Variants in LBP observed in about 807,000 individuals in gnomAD.
The protein encoded by LBP is lipopolysaccharide-binding protein.
Under a neutral mutation model 56.6 loss-of-function variants are expected in LBP, and 53 were observed. That is an observed-to-expected ratio of 0.94 (90% confidence interval 0.75 to 1.18). The LOEUF is 1.18. LBP is among the 50% of genes most tolerant of loss of function. LBP has a pLI of 0.00. For missense variants in LBP, 601 were observed against 598.3 expected (o/e 1.00, Z -0.05); for synonymous variants, 227 against 247.5 (o/e 0.92, Z 0.78).
intron 2 of LBP, among the ~76,000 whole-genome samples, chr20:38,350,554 C>T (rs1436637964): frequency 6.6e-6 from 1 of 152,222 alleles, no homozygotes; most frequent in East Asian, 1.9e-4. Context: ...CAATTGCATC[C>T]CTTCCTCAAG....
At position 38,376,654 on chromosome 20, in the gene LBP, A is replaced by G. The variant is rs1568838384; in HGVS notation, c.1431A>G (p.Gln477=). 1.9e-6 allele frequency: 3 copies of G among 1,614,050 alleles called. No homozygotes were observed. Among genetic ancestry groups the G allele is most frequent in the Non-Finnish European group, 2.5e-6 (3 of 1,179,902 alleles). Residue 477 remains glutamine, a synonymous_variant, in exon 15 of 15, where the codon CAA becomes CAG. Transcript: ENST00000217407. ...KDFLFLGANV[Q]YMRV Reference sequence around the variant, plus strand: ...TCCTGTTCTTGGGTGCCAATGTCCAATACATGAGAGTTTGAGGACAAGAAA... The same window carrying G: ...TCCTGTTCTTGGGTGCCAATGTCCAGTACATGAGAGTTTGAGGACAAGAAA...
intron 10 of LBP, among the ~76,000 whole-genome samples, chr20:38,370,489 T>G (rs897388825): frequency 2.0e-5 from 3 of 152,204 alleles, no homozygotes; most frequent in Non-Finnish European, 2.9e-5. Context: ...TACCTTCTCT[T>G]AGTAGTCTGT....
At chr20:38,375,603 A>G (rs955513267) in intron 14 of LBP, among the ~76,000 whole-genome samples, 1 of 152,182 alleles carries the variant, frequency 6.6e-6, no homozygotes, top group African/African-American at 2.4e-5. Flanking sequence ...AAATTAACTT[A>G]AGGTTCTTTT....
chr20:38,347,588 ATT>A (rs1055229773), intron 1 of LBP, among the ~76,000 whole-genome samples: 1 of 151,660 alleles, frequency 6.6e-6, no homozygotes, highest in Non-Finnish European at 1.5e-5. Flanking sequence ...AAGTAGGAGT[ATT>A]TTTTTTTAAA....
chr20:38,375,456 C>A (rs569575631), intron 14 of LBP, among the ~76,000 whole-genome samples: 31 of 151,954 alleles, frequency 2.0e-4, no homozygotes, highest in African/African-American at 7.0e-4. Flanking sequence ...TGGTGCGCAC[C>A]TGTAATCCCA....
chr20:38,369,789 T>G (rs887045716), intron 10 of LBP, among the ~76,000 whole-genome samples: 1 of 152,194 alleles, frequency 6.6e-6, no homozygotes, highest in Non-Finnish European at 1.5e-5. Flanking sequence ...TTTACTAGCT[T>G]CTCAACAATT....
chr20:38,373,902 A>C (rs759693040), intron 13 of LBP, 35 bp from the exon 14 acceptor site: 4 of 1,574,098 alleles, frequency 2.5e-6, no homozygotes, highest in Non-Finnish European at 3.5e-6. Context: ...TTATTTATTC[A>C]CCAATCTCTT....
chr20:38,365,533 C>T (rs2076877506), intron 8 of LBP, among the ~76,000 whole-genome samples: 1 of 151,448 alleles, frequency 6.6e-6, no homozygotes, highest in Non-Finnish European at 1.5e-5. Context: ...CTCATCTCTA[C>T]TAAAAATACA....
rs11536960 is a variant in LBP, at chr20:38,359,779, T to C, written c.589-925T>C. ...TCATAAATAATTCGGGTGATTACAG[T>C]GGCAAGTACAGCCAACAAGTTTGGA... On this transcript the variant is annotated intron_variant, in intron 5 of 14. Transcript: ENST00000217407. Among the ~76,000 whole-genome samples the C allele has an allele frequency of 8.5e-3, 1,289 of 152,262 alleles. 21 individuals are homozygous for C. Among genetic ancestry groups the C allele is most frequent in the African/African-American group, 0.03 (1,226 of 41,558 alleles).
At chr20:38,357,757 G>A (rs1466834387) in intron 5 of LBP, among the ~76,000 whole-genome samples, 1 of 152,190 alleles carries the variant, frequency 6.6e-6, no homozygotes, top group Non-Finnish European at 1.5e-5. Context: ...GTGCTAAAGG[G>A]GTGGATTATT....
At position 38,355,369 on chromosome 20, in the gene LBP, A is replaced by T. The variant is rs537617003; in HGVS notation, c.548A>T (p.Asn183Ile). Residue 183 changes from asparagine to isoleucine, a missense_variant, in exon 5 of 15, where the codon AAC (asparagine) becomes ATC (isoleucine). Coordinates refer to ENST00000217407, the MANE Select transcript of LBP (RefSeq NM_004139.5). ...AGGTGGCTGTTGAACCTCTTCCACA[A>T]CCAGATTGAGTCCAAGTTCCAGAAA... Reference protein sequence around the residue: ...DLGWLLNLFHNQIESKFQKVL... With the variant: ...DLGWLLNLFHIQIESKFQKVL... 1.7e-4 allele frequency: 274 copies of T among 1,613,818 alleles called. 3 individuals carry two copies. In the South Asian group the frequency reaches 2.8e-3, roughly 17 times the overall value.
Position 38,376,765 on chromosome 20 carries a change from A to G in LBP, c.*96A>G. The G allele has an allele frequency of 7.9e-7, 1 of 1,259,860 alleles. No individual in the cohort carries two copies. Among genetic ancestry groups the G allele is most frequent in the Non-Finnish European group, 1.2e-6 (1 of 863,916 alleles). The allele number at this position is 1,259,860 out of a possible 1,614,324, so 78.0% of individuals were successfully genotyped here. ...TCAGAGATTCTTGAAGAATGAAGAC[A>G]TTTCTGCTCTCAGCTCCGGGGGTGA... On this transcript the variant is annotated 3_prime_UTR_variant, in exon 15 of 15. Transcript: ENST00000217407.
At chr20:38,359,743 C>A (rs13042744) in intron 5 of LBP, among the ~76,000 whole-genome samples, 28 of 152,314 alleles carry the variant, frequency 1.8e-4, no homozygotes, top group African/African-American at 6.3e-4. Context: ...AAAGTCTATC[C>A]CAAGGCTGCA....
At chr20:38,358,037 G>GT (rs2076847403) in intron 5 of LBP, among the ~76,000 whole-genome samples, 1 of 152,174 alleles carries the variant, frequency 6.6e-6, no homozygotes, top group Admixed American at 6.5e-5. Context: ...TTTATGACCT[G>GT]TATCTTGTGA....
intron 4 of LBP, 69 bp downstream of exon 4, chr20:38,354,508 C>T: frequency 7.0e-7 from 1 of 1,429,314 alleles, no homozygotes; most frequent in Non-Finnish European, 9.5e-7. Context: ...AGCGCTCAGC[C>T]TGGCCTCCGA....
chr20:38,347,149 C>T lies in LBP; in HGVS notation c.124+509C>T, dbSNP rs2076803949. The stretch of plus-strand genomic sequence containing the variant: ...TGCTGGAAGTTGCCATATCTTGATC[C>T]AGGTGGTGATCACATTCCTGTATAA... On this transcript the variant is annotated intron_variant, in intron 1 of 14. Transcript: ENST00000217407. Among the ~76,000 whole-genome samples, 2 of 152,204 alleles carry T rather than the reference C, an allele frequency of 1.3e-5. 1 individual carries two copies. Among genetic ancestry groups the T allele is most frequent in the South Asian group, 4.1e-4 (2 of 4,824 alleles).
intron 5 of LBP, among the ~76,000 whole-genome samples, chr20:38,359,091 A>C (rs996060231): frequency 4.6e-5 from 7 of 152,190 alleles, no homozygotes; most frequent in Non-Finnish European, 1.0e-4. Context: ...GAATTTAAAG[A>C]CATTTGCAAA....
chr20:38,366,547 G>A (rs1055017741), intron 8 of LBP, among the ~76,000 whole-genome samples: 1 of 152,228 alleles, frequency 6.6e-6, no homozygotes. Flanking sequence ...GACCCTCTGA[G>A]TGGGAGCCAC....
rs1278806918 is a variant in LBP at position 38,376,757 on chromosome 20, A to C, written c.*88A>C. The C allele has an allele frequency of 7.5e-7, 1 of 1,330,284 alleles. No individual in the cohort carries two copies. The highest frequency in any genetic ancestry group is 1.4e-5 in the African/African-American group (1 of 69,340). 82.4% of individuals were successfully genotyped at this position (1,330,284 alleles called of 1,614,324 possible). A position where few individuals can be genotyped will look rare whatever the true frequency, so the allele number is the denominator to read the frequency against. On this transcript the variant is annotated 3_prime_UTR_variant, in exon 15 of 15. Transcript: ENST00000217407. Reference sequence around the variant, plus strand: ...AGCACGTCTCAGAGATTCTTGAAGAATGAAGACATTTCTGCTCTCAGCTCC... The same window carrying C: ...AGCACGTCTCAGAGATTCTTGAAGACTGAAGACATTTCTGCTCTCAGCTCC...
Sources: allele counts gnomAD v4.1 joint callset (sites outside exome capture counted in the v4.1 genomes callset), GRCh38; gene constraint gnomAD v4.1.1; transcripts MANE v1.5; gene names NCBI Gene and HGNC (gene_info 2026-07-23, HGNC 2026-07-21).